USP13: variants seen among roughly 807,000 people sequenced by gnomAD.
USP13 encodes the protein ubiquitin specific peptidase 13.
A neutral mutation model predicts 107.8 loss-of-function variants in USP13; 68 were observed. The ratio of observed to expected loss-of-function variants is 0.63; its 90% CI spans 0.52 to 0.77. USP13 has a LOEUF of 0.77. Ranked by LOEUF, USP13 falls within the 30% of genes least tolerant of loss-of-function variation. The pLI, the probability that USP13 is intolerant of heterozygous loss-of-function variation, is 0.00. For synonymous variants in USP13, 377 were observed against 389.5 expected (o/e 0.97, Z 0.38); for missense variants, 945 against 1,093.3 (o/e 0.86, Z 1.91).
In USP13 at chr3:179,653,157, C is replaced by A. The variant is rs910499341; in HGVS notation, c.-69C>A. On this transcript the variant is annotated 5_prime_UTR_variant, in exon 1 of 21. Coordinates refer to ENST00000263966, the MANE Select transcript of USP13 (RefSeq NM_003940.3). The surrounding 1 kb of genome is among the most constrained non-coding windows in gnomAD (Gnocchi z 4.0). Reference sequence around the variant, plus strand: ...CGCCCGTCAGCCCGCTCGCTGGCGCCGCCGCCGCCGGCAGACCCCGCGCTC... The same window carrying A: ...CGCCCGTCAGCCCGCTCGCTGGCGCAGCCGCCGCCGGCAGACCCCGCGCTC... 5.6e-6 allele frequency: 6 copies of A among 1,077,132 alleles called. No homozygotes were observed. Among genetic ancestry groups the A allele is most frequent in the African/African-American group, 3.4e-5 (2 of 58,828 alleles). The allele number at this position is 1,077,132 out of a possible 1,614,324, so 66.7% of individuals were successfully genotyped here.
At chr3:179,667,837 G>A (rs1055890079) in intron 1 of USP13, among the ~76,000 whole-genome samples, 5 of 152,044 alleles carry the variant, frequency 3.3e-5, no homozygotes, top group Non-Finnish European at 5.9e-5. Context: ...TAGTAGAGAC[G>A]GGGTTTCTCC....
chr3:179,704,836 G>A (rs1712657377), intron 4 of USP13, among the ~76,000 whole-genome samples: 1 of 152,170 alleles, frequency 6.6e-6, no homozygotes. Flanking sequence ...TGAGGCCGGG[G>A]ACCTCCTCCT....
intron 12 of USP13, among the ~76,000 whole-genome samples, chr3:179,744,470 C>T (rs1714326267): frequency 6.6e-6 from 1 of 151,838 alleles, no homozygotes; most frequent in African/African-American, 2.4e-5. Context: ...AAAATTGATC[C>T]CCTTACACAA....
intron 12 of USP13, among the ~76,000 whole-genome samples, chr3:179,743,926 G>GTTT (rs35286740): frequency 0.079 from 9,908 of 126,052 alleles, 545 homozygotes; most frequent in Middle Eastern, 0.13. Context: ...TAAATAAGGA[G>GTTT]TTTTTTTTTT....
At chr3:179,737,998 C>A (rs755606233) in intron 10 of USP13, among the ~76,000 whole-genome samples, 1 of 152,166 alleles carries the variant, frequency 6.6e-6, no homozygotes, top group Non-Finnish European at 1.5e-5. Flanking sequence ...TATGGAGCTG[C>A]CTCTTTGTCG....
At chr3:179,658,411 T>C (rs1007339789) in intron 1 of USP13, among the ~76,000 whole-genome samples, 11 of 151,604 alleles carry the variant, frequency 7.3e-5, no homozygotes, top group Non-Finnish European at 1.6e-4. Context: ...TCTGTCCTCA[T>C]AGTTGGCTCT....
intron 19 of USP13, among the ~76,000 whole-genome samples, chr3:179,776,993 G>A (rs1715564560): frequency 6.7e-6 from 1 of 150,176 alleles, no homozygotes; most frequent in African/African-American, 2.5e-5. Context: ...TTTATTACCT[G>A]TTTAGTTTTT....
chr3:179,656,708 CT>C (rs1720273260), intron 1 of USP13, among the ~76,000 whole-genome samples: 1 of 152,310 alleles, frequency 6.6e-6, no homozygotes, highest in East Asian at 1.9e-4. Context: ...GGTTCTTGCT[CT>C]ATGAATCATT....
intron 1 of USP13, among the ~76,000 whole-genome samples, chr3:179,662,693 A>G (rs1720489048): frequency 6.6e-6 from 1 of 152,166 alleles, no homozygotes; most frequent in African/African-American, 2.4e-5. Context: ...CCTTTTGGAC[A>G]GTAGTTCATT....
rs150317574 is a variant in USP13 at position 179,658,201 on chromosome 3, A to G, written c.168+4808A>G. ...GAACTCCTGACCTCGTGATCCGCCC[A>G]CCTTGGCCTCCCAAAGTGCTGTGAT... On this transcript the variant is annotated intron_variant, in intron 1 of 20. Transcript: ENST00000263966. Among the ~76,000 whole-genome samples, 1,473 of 152,196 alleles carry G rather than the reference A, an allele frequency of 9.7e-3. 12 individuals carry two copies. Among genetic ancestry groups the G allele is most frequent in the Middle Eastern group, 0.051 (15 of 292 alleles).
At chr3:179,758,299 C>G (rs1328299028) in intron 16 of USP13, among the ~76,000 whole-genome samples, 1 of 152,120 alleles carries the variant, frequency 6.6e-6, no homozygotes, top group African/African-American at 2.4e-5. Flanking sequence ...CCTGCAGGAT[C>G]TCACTCCATG....
At chr3:179,682,673 G>A (rs1428454172) in intron 2 of USP13, among the ~76,000 whole-genome samples, 2 of 152,010 alleles carry the variant, frequency 1.3e-5, no homozygotes, top group Non-Finnish European at 2.9e-5. Flanking sequence ...TCAATAGTTT[G>A]GTTTTTCATC....
chr3:179,674,366 G>A (rs34161332), intron 1 of USP13, among the ~76,000 whole-genome samples: 55,253 of 151,954 alleles, frequency 0.36, 10,498 homozygotes, highest in African/African-American at 0.42. Context: ...GGGAACATGT[G>A]TCTTTCCTTA....
intron 8 of USP13, among the ~76,000 whole-genome samples, chr3:179,727,246 G>T (rs1157769691): frequency 2.2e-5 from 3 of 139,254 alleles, no homozygotes; most frequent in Non-Finnish European, 4.7e-5. Context: ...GGACAATAGT[G>T]GAGGGAAGGT....
At chr3:179,718,991 G>A (rs1030451105) in intron 6 of USP13, among the ~76,000 whole-genome samples, 3 of 152,076 alleles carry the variant, frequency 2.0e-5, no homozygotes, top group Non-Finnish European at 2.9e-5. Context: ...TCCTGGTCTC[G>A]TGATCCGCCT....
chr3:179,738,647 C>A (rs187510485), intron 10 of USP13, among the ~76,000 whole-genome samples: 41 of 152,272 alleles, frequency 2.7e-4, no homozygotes, highest in African/African-American at 9.6e-4. Flanking sequence ...ATCTTTATTG[C>A]CAAAGGTGAT....
intron 19 of USP13, among the ~76,000 whole-genome samples, chr3:179,770,019 T>C (rs1715298214): frequency 6.6e-6 from 1 of 152,220 alleles, no homozygotes; most frequent in South Asian, 2.1e-4. Context: ...CACTGGTGAC[T>C]TTCCGGTTTC....
At chr3:179,750,748 C>T (rs1252222742) in intron 13 of USP13, among the ~76,000 whole-genome samples, 13 of 152,202 alleles carry the variant, frequency 8.5e-5, no homozygotes, top group Admixed American at 8.5e-4. Context: ...AGCGGTTTCA[C>T]ATCATTTCAT....
chr3:179,702,678 CT>C (rs1288517060), intron 4 of USP13, among the ~76,000 whole-genome samples: 1 of 152,192 alleles, frequency 6.6e-6, no homozygotes, highest in Non-Finnish European at 1.5e-5. Flanking sequence ...TGTGCCTCTT[CT>C]TTTAGTACTA....
Sources: gnomAD v4.1 joint callset for allele counts (sites outside exome capture counted in the v4.1 genomes callset) on GRCh38, gnomAD v4.1.1 for gene constraint, Gnocchi (gnomAD v3.1) non-coding constraint, MANE v1.5 for transcripts, NCBI Gene and HGNC (gene_info 2026-07-23, HGNC 2026-07-21) for gene names.